Variants in CDH24 observed in about 807,000 individuals in gnomAD.
CDH24 encodes cadherin 24.
Under a neutral mutation model 71.2 loss-of-function variants are expected in CDH24, and 61 were observed. The observed-to-expected ratio is 0.86, with a 90% CI of 0.70 to 1.06. CDH24 has a LOEUF of 1.06. Among genes scored for constraint, CDH24 ranks in the 50% least tolerant of loss-of-function variants. The pLI is 0.00. For synonymous variants in CDH24, 440 were observed against 470.2 expected, an observed-to-expected ratio of 0.94 and a Z score of 0.83; for missense variants, 961 against 1,083.7, an observed-to-expected ratio of 0.89 and a Z score of 1.59.
At position 23,051,106 on chromosome 14, in the gene CDH24, CCACA is replaced by C. The variant is rs754566100; in HGVS notation, c.1364-1167_1364-1164del. 1.5e-4 allele frequency among the ~76,000 whole-genome samples: 23 copies of C among 152,186 alleles called. No individual in the cohort carries two copies. The highest frequency in any genetic ancestry group is 2.9e-4 in the Non-Finnish European group (20 of 68,034). ...TGTGTACACGGACACACACGGCCATCCACACAGACATCCATGCACTAACAGATAA... is the reference window on the plus strand; with the variant it reads ...TGTGTACACGGACACACACGGCCATCCAGACATCCATGCACTAACAGATAA... On this transcript the variant is annotated intron_variant, in intron 8 of 12. Coordinates refer to ENST00000487137, the MANE Select transcript of CDH24 (RefSeq NM_144985.4). The surrounding 1 kb of genome is among the most constrained non-coding windows in gnomAD (Gnocchi z 4.4).
intron 6 of CDH24, among the ~76,000 whole-genome samples, 168 bp downstream of exon 6, chr14:23,053,970 ACTT>A (rs1201124401): frequency 2.6e-5 from 4 of 152,010 alleles, no homozygotes; most frequent in African/African-American, 7.3e-5. Context: ...ACTTGCTATC[ACTT>A]CTTCTTTCTA....
At chr14:23,053,826 G>A in intron 6 of CDH24, 77 bp from the exon 7 acceptor site, 2 of 1,409,572 alleles carry the variant, frequency 1.4e-6, no homozygotes, top group South Asian at 1.3e-5. Context: ...AAGGTGACAA[G>A]TCCCCTCCTC....
chr14:23,054,008 T>C lies in CDH24; in HGVS notation c.972+133A>G, dbSNP rs2047104704. The C allele has an allele frequency of 1.9e-5, 19 of 992,764 alleles. No homozygotes were observed. The highest frequency in any genetic ancestry group is 2.8e-5 in the Non-Finnish European group (19 of 682,342). 61.5% of individuals were successfully genotyped at this position (992,764 alleles called of 1,614,324 possible). A position where few individuals can be genotyped will look rare whatever the true frequency, so the allele number is the denominator to read the frequency against. On this transcript the variant is annotated intron_variant, in intron 6 of 12. Coordinates refer to ENST00000487137, the MANE Select transcript of CDH24 (RefSeq NM_144985.4). The surrounding 1 kb of genome is among the most constrained non-coding windows in gnomAD (Gnocchi z 5.2). ...AAGCTCCAGGGCCTCATCTGAAGGA[T>C]GAGGAGGTGACCATGATCTCTAAGC...
Position 23,055,614 on chromosome 14 carries a change from C to A in CDH24, c.120G>T (p.Leu40=), listed in dbSNP as rs112724499. The change falls in exon 2 of 13, where the codon CTG becomes CTT. Residue 40 remains leucine, a synonymous_variant. Coordinates refer to ENST00000487137, the MANE Select transcript of CDH24 (RefSeq NM_144985.4). The surrounding 1 kb of genome is among the most constrained non-coding windows in gnomAD (Gnocchi z 4.1). ...TCCAGACCCAGCTCCTTCGAGTCCG[C>A]AGCAGAGCAGGCCCTGGGTGTTCCC... is the stretch of plus-strand genomic sequence containing the variant. ...GSREHPGPAL[L]RTRRSWVWNQ... 36 of 1,613,802 alleles carry A rather than the reference C, an allele frequency of 2.2e-5. No homozygotes were observed. In the African/African-American group the frequency reaches 2.9e-4, roughly 13 times the overall value.
chr14:23,053,797 G>A (rs1417127421), intron 6 of CDH24, 48 bp from the exon 7 acceptor site: 1 of 1,546,844 alleles, frequency 6.5e-7, no homozygotes, highest in Admixed American at 1.8e-5. Context: ...GGAAACCAGG[G>A]CAGGTCCCAG....
In CDH24 at chr14:23,055,550, G is replaced by A. The variant is rs893404213; in HGVS notation, c.184C>T (p.Pro62Ser). The A allele has an allele frequency of 6.2e-7, 1 of 1,614,014 alleles. No individual in the cohort carries two copies. Among genetic ancestry groups the A allele is most frequent in the Non-Finnish European group, 8.5e-7 (1 of 1,180,020 alleles). The change falls in exon 2 of 13, where the codon CCT becomes TCT. Residue 62 changes from proline to serine, a missense_variant. Physicochemically the swap from Pro to Ser is moderately conservative, Grantham distance 74 (BLOSUM62 -1). This residue lies in a region of CDH24 where 671 missense variants were observed against 810.9 expected (regional missense o/e 0.83). Transcript: ENST00000487137. The surrounding 1 kb of genome is among the most constrained non-coding windows in gnomAD (Gnocchi z 4.1). ...FVIEEYAGPE[P>S]VLIGKLHSDV... is the part of the protein sequence containing the mutation. ...ATCCTTACCTTGCCAATGAGAACAG[G>A]CTCTGGACCAGCATATTCCTCAATG...
Position 23,055,704 on chromosome 14 carries a change from G to A in CDH24, c.30C>T (p.Ala10=). The A allele has an allele frequency of 1.3e-6, 2 of 1,596,378 alleles. No individual in the cohort carries two copies. The highest frequency in any genetic ancestry group is 8.5e-7 in the Non-Finnish European group (1 of 1,174,968). MWGLVRLLL[A]WLGGWGCMGR... ...CCATGCAGCCCCAGCCACCCAGCCA[G>A]GCCAGCAGGAGCCTCACCAGGCCCC... Residue 10 remains alanine, a synonymous_variant, in exon 2 of 13, where the codon GCC becomes GCT. Transcript: ENST00000487137. The surrounding 1 kb of genome is among the most constrained non-coding windows in gnomAD (Gnocchi z 4.1).
intron 8 of CDH24, chr14:23,050,230 A>G (rs2047076077): frequency 3.2e-6 from 1 of 314,778 alleles, no homozygotes; most frequent in Non-Finnish European, 5.9e-6. Context: ...CATGCAGGGC[A>G]CATGCAGCAT....
At chr14:23,056,327 G>A (rs547140818) in intron 1 of CDH24, among the ~76,000 whole-genome samples, 29 of 152,228 alleles carry the variant, frequency 1.9e-4, no homozygotes, top group Non-Finnish European at 3.5e-4. Context: ...TCCCCACAAG[G>A]GGGAGCCCCA....
rs11625828 is a variant in CDH24, at chr14:23,054,035, C to G, written c.972+106G>C. 0.34 allele frequency: 421,932 copies of G among 1,239,186 alleles called. 74,487 individuals are homozygous for G. The highest frequency in any genetic ancestry group is 0.51 in the African/African-American group (33,704 of 66,552). The allele number at this position is 1,239,186 out of a possible 1,614,324, so 76.8% of individuals were successfully genotyped here. ...AGGAGGTGACCATGATCTCTAAGCT[C>G]CAACAGAGAGATCCTGAGTCTGTTC... On this transcript the variant is annotated intron_variant, in intron 6 of 12. Coordinates refer to ENST00000487137, the MANE Select transcript of CDH24 (RefSeq NM_144985.4). The surrounding 1 kb of genome is among the most constrained non-coding windows in gnomAD (Gnocchi z 5.2).
In CDH24 at chr14:23,050,160, G is replaced by C. The variant is rs894296326; in HGVS notation, c.1364-217C>G. ...TTCATGTAGTACCCAAGATATGTGC[G>C]ATACACAATAGACATTCAACAGGAA... On this transcript the variant is annotated intron_variant, in intron 8 of 12. Coordinates refer to ENST00000487137, the MANE Select transcript of CDH24 (RefSeq NM_144985.4). 1.4e-5 allele frequency: 8 copies of C among 562,522 alleles called. No homozygotes were observed. In the African/African-American group the frequency reaches 1.5e-4, roughly 11 times the overall value. 34.8% of individuals were successfully genotyped at this position (562,522 alleles called of 1,614,324 possible).
At position 23,055,840 on chromosome 14, in the gene CDH24, T is replaced by C; in HGVS notation, c.-107A>G. 1 of 919,706 alleles carries C rather than the reference T, an allele frequency of 1.1e-6. No individual in the cohort carries two copies. Among genetic ancestry groups the C allele is most frequent in the South Asian group, 1.8e-5 (1 of 56,010 alleles). The allele number at this position is 919,706 out of a possible 1,614,324, so 57.0% of individuals were successfully genotyped here. On this transcript the variant is annotated 5_prime_UTR_variant, in exon 2 of 13. An upstream open reading frame in the 5' UTR loses its in-frame stop. Coordinates refer to ENST00000487137, the MANE Select transcript of CDH24 (RefSeq NM_144985.4). This position sits in a 1 kb window ranked among gnomAD's most constrained non-coding sequence, Gnocchi z 4.1. ...GGTGGAGGGGCAGATGCGTTGAGGC[T>C]ACCCCATGGATCCACACCTGCAGGA...
rs1407950340 is a variant in CDH24 at position 23,055,632 on chromosome 14, G to A, written c.102C>T (p.His34=). The change falls in exon 2 of 13, where the codon CAC becomes CAT. Residue 34 remains histidine (H), a synonymous_variant. Transcript: ENST00000487137. The surrounding 1 kb of genome is among the most constrained non-coding windows in gnomAD (Gnocchi z 4.1). ...PARAWAGSRE[H]PGPALLRTRR... is the part of the protein sequence containing the mutation. ...GAGTCCGCAGCAGAGCAGGCCCTGG[G>A]TGTTCCCGGGACCCTGCCCAGGCCC... 1.4e-5 allele frequency: 22 copies of A among 1,613,106 alleles called. No individual in the cohort carries two copies. In the South Asian group the frequency reaches 2.3e-4, roughly 17 times the overall value.
At position 23,054,625 on chromosome 14, in the gene CDH24, T is replaced by A; in HGVS notation, c.665A>T (p.Glu222Val). 1 of 1,614,010 alleles carries A rather than the reference T, an allele frequency of 6.2e-7. No individual in the cohort carries two copies. The highest frequency in any genetic ancestry group is 8.5e-7 in the Non-Finnish European group (1 of 1,179,956). Residue 222 changes from glutamate to valine, a missense_variant, in exon 5 of 13, where the codon GAG becomes GTG. Around this residue, in one of 2 missense-constraint regions of CDH24, gnomAD observed 671 missense variants for 810.9 expected, o/e 0.83. Transcript: ENST00000487137. The surrounding 1 kb of genome is among the most constrained non-coding windows in gnomAD (Gnocchi z 5.2). ...CTTGGCCTGGATCACCACCAAGAACTCCTCCTGTGTCTCCCGGTCCATGTT... is the reference window on the plus strand; with the variant it reads ...CTTGGCCTGGATCACCACCAAGAACACCTCCTGTGTCTCCCGGTCCATGTT... The part of the protein sequence containing the change: ...IPNMDRETQE[E>V]FLVVIQAKDM...
At position 23,048,065 on chromosome 14, in the gene CDH24, C is replaced by T. The variant is rs866281765; in HGVS notation, c.2261G>A (p.Gly754Asp). ...CCAGTCGTCCAGCGGCTCCGCGGGG[C>T]CGGGGGCGCCGCCGGCTTCGCTGCC... is the stretch of plus-strand genomic sequence containing the variant. Reference protein sequence around the residue: ...GSGSEAGGAPGPAEPLDDWGP... With the variant: ...GSGSEAGGAPDPAEPLDDWGP... The change falls in exon 12 of 13, where the codon GGC becomes GAC. Residue 754 changes from glycine to aspartate, a missense_variant. By Grantham distance (94) the Gly-to-Asp change is moderately conservative. Coordinates refer to ENST00000487137, the MANE Select transcript of CDH24 (RefSeq NM_144985.4). 2.6e-5 allele frequency: 37 copies of T among 1,434,588 alleles called. No individual in the cohort carries two copies. In the African/African-American group the frequency reaches 4.1e-4, roughly 16 times the overall value. 88.9% of individuals were successfully genotyped at this position (1,434,588 alleles called of 1,614,324 possible).
At chr14:23,049,590 G>A (rs1452148412) in intron 10 of CDH24, 37 bp downstream of exon 10, 3 of 1,232,072 alleles carry the variant, frequency 2.4e-6, no homozygotes, top group Non-Finnish European at 3.5e-6. Flanking sequence ...GAAGGGGACA[G>A]AGGCAGGTAT....
chr14:23,049,849 A>G lies in CDH24; in HGVS notation c.1458T>C (p.Phe486=). 1 of 1,614,008 alleles carries G rather than the reference A, an allele frequency of 6.2e-7. No individual in the cohort carries two copies. Among genetic ancestry groups the G allele is most frequent in the Non-Finnish European group, 8.5e-7 (1 of 1,179,992 alleles). ...APQLAEPYDT[F]VCDSAAPGQL... ...GGCCAGGAGCTGCAGAGTCACACACAAAAGTATCGTAGGGCTCAGCCAGCT... is the reference window on the plus strand; with the variant it reads ...GGCCAGGAGCTGCAGAGTCACACACGAAAGTATCGTAGGGCTCAGCCAGCT... Residue 486 remains phenylalanine (F), a synonymous_variant, in exon 9 of 13, where the codon TTT becomes TTC. Transcript: ENST00000487137.
At position 23,054,577 on chromosome 14, in the gene CDH24, C is replaced by G. The variant is rs958293206; in HGVS notation, c.713G>C (p.Gly238Ala). 4 of 1,613,966 alleles carry G rather than the reference C, an allele frequency of 2.5e-6. No individual in the cohort carries two copies. In the African/African-American group the frequency reaches 5.3e-5, roughly 22 times the overall value. ...QAKDMGGHMGGLSGSTTVTVT... is the reference protein window; with the variant it reads ...QAKDMGGHMGALSGSTTVTVT... ...AGTCACCGTAGTGCTGCCTGACAGC[C>G]CCCCCATGTGGCCGCCCATGTCCTT... Residue 238 changes from glycine to alanine, a missense_variant, in exon 5 of 13, where the codon GGG (glycine) becomes GCG (alanine). Physicochemically the swap from Gly to Ala is moderately conservative, Grantham distance 60. Transcript: ENST00000487137. The surrounding 1 kb of genome is among the most constrained non-coding windows in gnomAD (Gnocchi z 5.2).
chr14:23,054,697 G>A lies in CDH24; in HGVS notation c.617-24C>T, dbSNP rs2047112291. On this transcript the variant is annotated intron_variant, in intron 4 of 12. Transcript: ENST00000487137. This position sits in a 1 kb window ranked among gnomAD's most constrained non-coding sequence, Gnocchi z 5.2. ...TCCTAGGGAGAGATGCTGGTCAGAG[G>A]GTGTCTGTCCCCTTGGCTGCCCCAC... 1.9e-6 allele frequency: 3 copies of A among 1,613,854 alleles called. No individual in the cohort carries two copies. The highest frequency in any genetic ancestry group is 1.3e-5 in the African/African-American group (1 of 74,876).
Sources: gnomAD v4.1 joint callset for allele counts (sites outside exome capture counted in the v4.1 genomes callset) on GRCh38, gnomAD v4.1.1 for gene constraint, gnomAD v4.1.1 regional missense constraint, Gnocchi (gnomAD v3.1) non-coding constraint, MANE v1.5 for transcripts, NCBI Gene and HGNC (gene_info 2026-07-23, HGNC 2026-07-21) for gene names.